Variants in ROR1 observed in about 807,000 individuals in gnomAD.
The protein encoded by ROR1 is ROR family WNT receptor 1, also known as inactive tyrosine-protein kinase transmembrane receptor ROR1.
In ROR1, 19 loss-of-function variants were observed where a neutral mutation model predicts 78.8. The observed-to-expected ratio is 0.24, with a 90% CI of 0.17 to 0.35. The LOEUF (loss-of-function observed/expected upper bound fraction) is 0.35. Among genes scored for constraint, ROR1 ranks in the 10% least tolerant of loss-of-function variants. The pLI, the probability that ROR1 is intolerant of heterozygous loss-of-function variation, is 1.00. For synonymous variants in ROR1, 386 were observed against 433.6 expected (o/e 0.89, Z 1.36); for missense variants, 917 against 1,177.8 (o/e 0.78, Z 3.24).
intron 1 of ROR1, among the ~76,000 whole-genome samples, chr1:64,002,506 C>A (rs1159839813): frequency 6.6e-6 from 1 of 152,106 alleles, no homozygotes; most frequent in Admixed American, 6.6e-5. Context: ...AAGTCAATCT[C>A]TATAGTTCCA....
chr1:63,994,054 G>A (rs1187632785), intron 1 of ROR1, among the ~76,000 whole-genome samples: 2 of 152,122 alleles, frequency 1.3e-5, no homozygotes, highest in African/African-American at 4.8e-5. Context: ...TGATTGGGGA[G>A]AAATAACATC....
chr1:63,877,960 C>G (rs1183991370), intron 1 of ROR1, among the ~76,000 whole-genome samples: 1 of 152,150 alleles, frequency 6.6e-6, no homozygotes, highest in African/African-American at 2.4e-5. Flanking sequence ...TAAAAGTTTT[C>G]TTAACCTCAA....
chr1:63,801,922 T>G (rs1644800060), intron 1 of ROR1, among the ~76,000 whole-genome samples: 1 of 152,224 alleles, frequency 6.6e-6, no homozygotes, highest in African/African-American at 2.4e-5. Flanking sequence ...CAGCTTTGTT[T>G]TCTCTAAAGT....
chr1:63,804,572 G>A (rs972497609), intron 1 of ROR1, among the ~76,000 whole-genome samples: 1 of 152,192 alleles, frequency 6.6e-6, no homozygotes, highest in Admixed American at 6.5e-5. Flanking sequence ...ATGAGGATGA[G>A]CGTGGACATC....
intron 4 of ROR1, among the ~76,000 whole-genome samples, chr1:64,069,670 A>T (rs966574164): frequency 6.6e-6 from 1 of 152,176 alleles, no homozygotes; most frequent in Non-Finnish European, 1.5e-5. Flanking sequence ...GAAACAGCCC[A>T]CCACTCTAGC....
At chr1:64,171,809 A>T (rs17266075) in intron 8 of ROR1, among the ~76,000 whole-genome samples, 570 of 152,312 alleles carry the variant, frequency 3.7e-3, no homozygotes, top group Non-Finnish European at 6.8e-3. Context: ...TCAAAAGTAG[A>T]GCAATTATAT....
intron 1 of ROR1, among the ~76,000 whole-genome samples, chr1:63,924,694 A>C (rs1645685240): frequency 6.6e-6 from 1 of 152,216 alleles, no homozygotes; most frequent in African/African-American, 2.4e-5. Context: ...TTAAAGTTTG[A>C]CAGTGAAGAC....
chr1:64,115,792 C>A (rs1037083630), intron 4 of ROR1, among the ~76,000 whole-genome samples: 1 of 152,010 alleles, frequency 6.6e-6, no homozygotes, highest in Non-Finnish European at 1.5e-5. Context: ...TGGATGTGAA[C>A]TTGGGGAAAT....
At chr1:63,793,568 A>C (rs968674266) in intron 1 of ROR1, among the ~76,000 whole-genome samples, 8 of 152,248 alleles carry the variant, frequency 5.3e-5, no homozygotes, top group African/African-American at 1.9e-4. Flanking sequence ...TGCCAGGCAC[A>C]GTGCTGGGTG....
intron 1 of ROR1, among the ~76,000 whole-genome samples, chr1:63,877,328 T>C (rs1386498089): frequency 2.0e-5 from 3 of 152,136 alleles, no homozygotes; most frequent in Non-Finnish European, 4.4e-5. Context: ...CCTCTGCTGC[T>C]CAATGTGTGA....
intron 1 of ROR1, among the ~76,000 whole-genome samples, chr1:63,791,948 G>T (rs972895665): frequency 2.6e-5 from 4 of 152,072 alleles, no homozygotes; most frequent in Admixed American, 1.3e-4. Context: ...CATCATTCTT[G>T]ATACTGAGGG....
At chr1:64,025,903 T>C (rs1047921467) in intron 2 of ROR1, among the ~76,000 whole-genome samples, 3 of 152,218 alleles carry the variant, frequency 2.0e-5, no homozygotes, top group East Asian at 1.9e-4. Flanking sequence ...AGACTACTAA[T>C]TGGGTTCAAT....
rs285385 is a variant in ROR1 at position 64,003,797 on chromosome 1, G to A, written c.92-5508G>A. On this transcript the variant is annotated intron_variant, in intron 1 of 8. Coordinates refer to ENST00000371079, the MANE Select transcript of ROR1 (RefSeq NM_005012.4). ...TGAGGTGATTTACCTGGCTATGGGC[G>A]TCTCCATTGAGGCACTAGGGAGAGG... 5.0e-3 allele frequency among the ~76,000 whole-genome samples: 766 copies of A among 152,154 alleles called. 7 individuals are homozygous for A. The highest frequency in any genetic ancestry group is 0.018 in the African/African-American group (739 of 41,462).
chr1:64,013,059 G>A (rs868156751), intron 2 of ROR1, among the ~76,000 whole-genome samples: 4 of 152,226 alleles, frequency 2.6e-5, no homozygotes, highest in Middle Eastern at 3.4e-3. Flanking sequence ...TATCTGCTTT[G>A]GTCTTCTCAT....
chr1:64,117,781 A>G (rs1163273756), intron 4 of ROR1, among the ~76,000 whole-genome samples: 1 of 152,184 alleles, frequency 6.6e-6, no homozygotes, highest in Non-Finnish European at 1.5e-5. Flanking sequence ...CTCTTTCCAC[A>G]ACACCACACT....
chr1:63,812,358 A>G (rs1644865031), intron 1 of ROR1, among the ~76,000 whole-genome samples: 1 of 152,212 alleles, frequency 6.6e-6, no homozygotes. Context: ...CTACCATGTC[A>G]GAGTTGAGTG....
chr1:64,040,211 G>A (rs1034352997), intron 2 of ROR1, among the ~76,000 whole-genome samples: 1 of 152,108 alleles, frequency 6.6e-6, no homozygotes, highest in African/African-American at 2.4e-5. Context: ...GGATGGATGA[G>A]GCTGAGAAAG....
At chr1:64,079,434 T>G (rs1283727850) in intron 4 of ROR1, among the ~76,000 whole-genome samples, 2 of 152,058 alleles carry the variant, frequency 1.3e-5, no homozygotes, top group African/African-American at 4.8e-5. Context: ...TTCTTGCAGG[T>G]TGTCCCACTG....
chr1:63,896,160 A>G (rs1645437760), intron 1 of ROR1, among the ~76,000 whole-genome samples: 1 of 152,112 alleles, frequency 6.6e-6, no homozygotes, highest in Non-Finnish European at 1.5e-5. Context: ...ATATCATATC[A>G]TATTTATTCA....
Sources: gnomAD v4.1 joint callset for allele counts (sites outside exome capture counted in the v4.1 genomes callset) on GRCh38, gnomAD v4.1.1 for gene constraint, MANE v1.5 for transcripts, NCBI Gene and HGNC (gene_info 2026-07-23, HGNC 2026-07-21) for gene names.